NKIRAS1: variants seen among roughly 807,000 people sequenced by gnomAD.
NKIRAS1 encodes the protein NF-kappa-B inhibitor-interacting Ras-like protein 1.
Under a neutral mutation model 19.8 loss-of-function variants are expected in NKIRAS1, and 16 were observed. That is an observed-to-expected ratio of 0.81 (90% CI 0.55 to 1.23). NKIRAS1 has a LOEUF of 1.23. NKIRAS1 is among the 50% of genes most tolerant of loss of function. The pLI, the probability that NKIRAS1 is intolerant of heterozygous loss-of-function variation, is 0.00. For synonymous variants in NKIRAS1, 88 were observed against 79.0 expected (o/e 1.11, Z -0.61); for missense variants, 184 against 220.0 (o/e 0.84, Z 1.04).
chr3:23,892,993 G>C lies in NKIRAS1; in HGVS notation c.*102C>G, dbSNP rs1575054256. The C allele has an allele frequency of 8.0e-7, 1 of 1,256,282 alleles. No homozygotes were observed. The highest frequency in any genetic ancestry group is 2.6e-5 in the East Asian group (1 of 38,982). The allele number at this position is 1,256,282 out of a possible 1,614,324, so 77.8% of individuals were successfully genotyped here. On this transcript the variant is annotated 3_prime_UTR_variant, in exon 5 of 5. Coordinates refer to ENST00000425478, the MANE Select transcript of NKIRAS1 (RefSeq NM_020345.4). ...CTTAGGAATTTTCCTAAGGACCAAA[G>C]GTAGATACAAATGGCCTATTTTAAA...
At chr3:23,945,314 T>G (rs997599762) in intron 1 of NKIRAS1, 1 of 157,754 alleles carries the variant, frequency 6.3e-6, no homozygotes, top group Non-Finnish European at 1.4e-5. Context: ...CGCGGTGCGC[T>G]GGCTGCAGGA....
intron 4 of NKIRAS1, among the ~76,000 whole-genome samples, chr3:23,899,464 G>T (rs930193161): frequency 2.6e-4 from 40 of 152,042 alleles, no homozygotes; most frequent in Admixed American, 1.2e-3. Flanking sequence ...TGTTTGTTTT[G>T]TTTTTTGTTT....
intron 4 of NKIRAS1, among the ~76,000 whole-genome samples, chr3:23,894,985 G>T (rs1701839619): frequency 6.6e-6 from 1 of 152,100 alleles, no homozygotes; most frequent in Non-Finnish European, 1.5e-5. Context: ...CTTCTCCAAT[G>T]GTCTCATCAT....
chr3:23,893,118 C>A lies in NKIRAS1; in HGVS notation c.556G>T (p.Gly186Trp). ...SFPLPGRKNK[G>W]NSNSEN Reference sequence around the variant, plus strand: ...TTTTAGTTCTCAGAATTAGAGTTCCCTTTGTTTTTCCTCCCAGGCAAAGGA... The same window carrying A: ...TTTTAGTTCTCAGAATTAGAGTTCCATTTGTTTTTCCTCCCAGGCAAAGGA... The change falls in exon 5 of 5, where the codon GGG (glycine) becomes TGG (tryptophan). Residue 186 changes from glycine (G) to tryptophan (W), a missense_variant. Transcript: ENST00000425478. 6.4e-7 allele frequency: 1 copy of A among 1,572,722 alleles called. No individual in the cohort carries two copies. Among genetic ancestry groups the A allele is most frequent in the Non-Finnish European group, 8.6e-7 (1 of 1,162,532 alleles).
chr3:23,893,348 A>C lies in NKIRAS1; in HGVS notation c.337-11T>G. On this transcript the variant is annotated splice_polypyrimidine_tract_variant and intron_variant, in intron 4 of 4. Transcript: ENST00000425478. ...TACCACAATTGCTACCTGAAAGAAAACGGATTGAAAAGATCATACTAGTAC... is the reference window on the plus strand; with the variant it reads ...TACCACAATTGCTACCTGAAAGAAACCGGATTGAAAAGATCATACTAGTAC... 1 of 1,611,386 alleles carries C rather than the reference A, an allele frequency of 6.2e-7. No homozygotes were observed. The highest frequency in any genetic ancestry group is 8.5e-7 in the Non-Finnish European group (1 of 1,178,786).
intron 4 of NKIRAS1, among the ~76,000 whole-genome samples, chr3:23,894,045 T>C (rs955873300): frequency 6.6e-6 from 1 of 152,172 alleles, no homozygotes; most frequent in South Asian, 2.1e-4. Flanking sequence ...GGAATTGTTG[T>C]GTTCACATTA....
chr3:23,892,194 G>GT lies in NKIRAS1; in HGVS notation c.*900dup. 1 of 152,268 alleles carries GT rather than the reference G, an allele frequency of 6.6e-6. No homozygotes were observed. 9.4% of individuals were successfully genotyped at this position (152,268 alleles called of 1,614,324 possible). A position where few individuals can be genotyped will look rare whatever the true frequency, so the allele number is the denominator to read the frequency against. On this transcript the variant is annotated 3_prime_UTR_variant, in exon 5 of 5. Transcript: ENST00000425478. ...ACTTCCTACCTTTTAAATTAATAAA[G>GT]TTACAGTCAGCCACATTGCTTGAGT...
intron 1 of NKIRAS1, among the ~76,000 whole-genome samples, chr3:23,941,758 G>A (rs538179739): frequency 6.6e-6 from 1 of 152,114 alleles, no homozygotes; most frequent in Non-Finnish European, 1.5e-5. Context: ...TAGCTCTATA[G>A]CCTCTACTAG....
intron 3 of NKIRAS1, among the ~76,000 whole-genome samples, chr3:23,907,980 T>G (rs1040475162): frequency 3.3e-5 from 5 of 152,180 alleles, no homozygotes; most frequent in African/African-American, 1.2e-4. Flanking sequence ...CAAAAAGTAA[T>G]AAAGGAAGCC....
intron 1 of NKIRAS1, among the ~76,000 whole-genome samples, chr3:23,931,379 C>T (rs1193236499): frequency 2.0e-5 from 3 of 152,176 alleles, no homozygotes; most frequent in African/African-American, 7.2e-5. Flanking sequence ...TCTGCATTGA[C>T]GTTCTTCTCC....
At chr3:23,921,570 GTTTTTT>G (rs71622703), upstream of NKIRAS1, 65 of 508,718 alleles carry the variant, frequency 1.3e-4, no homozygotes, top group Admixed American at 2.2e-4. Flanking sequence ...TGATTATTGA[GTTTTTT>G]TTTTTTTTTT....
intron 1 of NKIRAS1, among the ~76,000 whole-genome samples, chr3:23,929,862 A>T (rs1192850970): frequency 3.3e-5 from 5 of 152,194 alleles, no homozygotes; most frequent in Admixed American, 6.5e-5. Flanking sequence ...ACAATAAAAA[A>T]TTACCTGAAT....
chr3:23,921,593 T>TTC, upstream of NKIRAS1: 2 of 627,460 alleles, frequency 3.2e-6, no homozygotes, highest in South Asian at 1.6e-5. Flanking sequence ...TTTTTTTTTT[T>TTC]CCAGATGGAG....
At chr3:23,918,185 G>A (rs1559511289), upstream of NKIRAS1, 3 of 1,031,834 alleles carry the variant, frequency 2.9e-6, no homozygotes, top group Non-Finnish European at 4.2e-6. Flanking sequence ...TGTATGCACT[G>A]TTGTCTAAAG....
At chr3:23,910,407 G>A (rs1248926151) in intron 3 of NKIRAS1, among the ~76,000 whole-genome samples, 5 of 152,014 alleles carry the variant, frequency 3.3e-5, no homozygotes, top group East Asian at 3.9e-4. Flanking sequence ...CGCCTGCCTC[G>A]GCCTCCCAAA....
At chr3:23,918,036 G>A (rs369956511), upstream of NKIRAS1, 86 of 1,604,060 alleles carry the variant, frequency 5.4e-5, no homozygotes, top group East Asian at 6.3e-4. Context: ...AGCAAGGTAC[G>A]TGATCGACTG....
chr3:23,918,919 C>T (rs1704889288), upstream of NKIRAS1: 4 of 524,686 alleles, frequency 7.6e-6, no homozygotes, highest in Non-Finnish European at 1.3e-5. Flanking sequence ...GGTCCCCAAA[C>T]CCTAAATTTT....
rs1186516096 is a variant in NKIRAS1, at chr3:23,890,654, C to T, written c.*2441G>A. The T allele has an allele frequency of 8.4e-6, 13 of 1,543,206 alleles. No individual in the cohort carries two copies. The highest frequency in any genetic ancestry group is 1.2e-5 in the Non-Finnish European group (13 of 1,125,258). ...ATTATTTGTCTGTCACAGAAGAGAG[C>T]TGCTTATGATTTTGAAGGGGTCAGG... On this transcript the variant is annotated 3_prime_UTR_variant, in exon 5 of 5. Coordinates refer to ENST00000425478, the MANE Select transcript of NKIRAS1 (RefSeq NM_020345.4).
chr3:23,918,014 G>T, upstream of NKIRAS1: 1 of 1,609,418 alleles, frequency 6.2e-7, no homozygotes, highest in Non-Finnish European at 8.5e-7. Flanking sequence ...CGCCGACTGG[G>T]CTACAAGGCC....
Sources: gnomAD v4.1 joint callset for allele counts (sites outside exome capture counted in the v4.1 genomes callset) on GRCh38, gnomAD v4.1.1 for gene constraint, MANE v1.5 for transcripts, NCBI Gene and HGNC (gene_info 2026-07-23, HGNC 2026-07-21) for gene names.